Variants in CSMD1 observed in about 807,000 individuals in gnomAD.
CSMD1 encodes the protein CUB and Sushi multiple domains 1.
A neutral mutation model predicts 417.5 loss-of-function variants in CSMD1; 213 were observed. That is an observed-to-expected ratio of 0.51 (90% CI 0.46 to 0.57). The LOEUF is 0.57. Ranked by LOEUF, CSMD1 falls within the 20% of genes least tolerant of loss-of-function variation. CSMD1 has a pLI of 0.00. For missense variants in CSMD1, 6,923 were observed against 4,529.7 expected, an observed-to-expected ratio of 1.53 and a Z score of -15.17; for synonymous variants, 2,862 against 1,736.8, an observed-to-expected ratio of 1.65 and a Z score of -16.11.
At chr8:4,013,179 T>A (rs1325578300) in intron 4 of CSMD1, among the ~76,000 whole-genome samples, 2 of 152,138 alleles carry the variant, frequency 1.3e-5, no homozygotes, top group African/African-American at 4.8e-5. Flanking sequence ...GTCCAAAGGC[T>A]GATCTACAGG....
intron 3 of CSMD1, among the ~76,000 whole-genome samples, chr8:4,337,754 C>G (rs964226121): frequency 6.6e-6 from 1 of 152,112 alleles, no homozygotes; most frequent in Non-Finnish European, 1.5e-5. Context: ...GTAGTACAGC[C>G]TTTACATTGG....
chr8:3,923,109 T>C (rs541731472), intron 5 of CSMD1, among the ~76,000 whole-genome samples: 6 of 152,268 alleles, frequency 3.9e-5, no homozygotes, highest in Non-Finnish European at 7.4e-5. Flanking sequence ...CTGGGACTCA[T>C]GCCAAACAAC....
At chr8:4,346,583 G>C (rs913531893) in intron 3 of CSMD1, among the ~76,000 whole-genome samples, 1 of 152,042 alleles carries the variant, frequency 6.6e-6, no homozygotes, top group Non-Finnish European at 1.5e-5. Context: ...TATTGTTCTT[G>C]ACTGATTTCA....
At chr8:3,431,823 T>C (rs1424259115) in intron 12 of CSMD1, among the ~76,000 whole-genome samples, 1 of 152,224 alleles carries the variant, frequency 6.6e-6, no homozygotes, top group Non-Finnish European at 1.5e-5. Flanking sequence ...AATATTTTAT[T>C]CCATACAATT....
intron 5 of CSMD1, among the ~76,000 whole-genome samples, chr8:3,996,081 C>A (rs1359430018): frequency 6.6e-6 from 1 of 152,172 alleles, no homozygotes; most frequent in Non-Finnish European, 1.5e-5. Flanking sequence ...ACACGCTTCT[C>A]ATCACACTCA....
chr8:4,693,665 C>T (rs1428543775), intron 1 of CSMD1, among the ~76,000 whole-genome samples: 3 of 152,152 alleles, frequency 2.0e-5, no homozygotes, highest in South Asian at 4.1e-4. Context: ...TATTCATTTT[C>T]TCAAAACTTA....
intron 5 of CSMD1, among the ~76,000 whole-genome samples, chr8:3,769,864 A>C (rs1261385959): frequency 8.5e-5 from 13 of 152,194 alleles, no homozygotes; most frequent in Admixed American, 8.5e-4. Flanking sequence ...TAGAAGAAAA[A>C]CGTATGTGTC....
intron 2 of CSMD1, among the ~76,000 whole-genome samples, chr8:4,604,320 T>C (rs1800751216): frequency 6.6e-6 from 1 of 151,274 alleles, no homozygotes; most frequent in Non-Finnish European, 1.5e-5. Flanking sequence ...ATGCATTAAA[T>C]GGTTATATAT....
intron 3 of CSMD1, among the ~76,000 whole-genome samples, chr8:4,360,591 G>C (rs184617907): frequency 6.6e-6 from 1 of 152,100 alleles, no homozygotes; most frequent in Non-Finnish European, 1.5e-5. Flanking sequence ...CCAGGTTCAC[G>C]TCATTCTCCT....
intron 69 of CSMD1, among the ~76,000 whole-genome samples, chr8:2,942,241 T>C (rs184727123): frequency 6.6e-6 from 1 of 151,916 alleles, no homozygotes; most frequent in East Asian, 1.9e-4. Context: ...ACCTGAGTGA[T>C]GGGTTGATCC....
intron 3 of CSMD1, among the ~76,000 whole-genome samples, chr8:4,115,082 A>T (rs1468326087): frequency 1.3e-5 from 2 of 152,236 alleles, no homozygotes; most frequent in African/African-American, 4.8e-5. Flanking sequence ...AAATGCTGTC[A>T]AACGGAATTG....
At chr8:4,434,340 T>G (rs906349421) in intron 2 of CSMD1, among the ~76,000 whole-genome samples, 2 of 152,172 alleles carry the variant, frequency 1.3e-5, no homozygotes, top group Non-Finnish European at 2.9e-5. Flanking sequence ...CACTCCAGCC[T>G]GGGCAACAGC....
In CSMD1 at chr8:3,103,844, A is replaced by G. The variant is rs1815930903; in HGVS notation, c.6949+2684T>C. On this transcript the variant is annotated intron_variant, in intron 46 of 69. Coordinates refer to ENST00000635120, the MANE Select transcript of CSMD1 (RefSeq NM_033225.6). ...CTGCAACCTCTGCCTCCCAGGTTCCAGTGATTCTCCTGCCTCAGCCTCCCA... is the reference window on the plus strand; with the variant it reads ...CTGCAACCTCTGCCTCCCAGGTTCCGGTGATTCTCCTGCCTCAGCCTCCCA... 2.6e-5 allele frequency among the ~76,000 whole-genome samples: 4 copies of G among 152,054 alleles called. No homozygotes were observed. The South Asian group carries it at 8.3e-4, about 32-fold the overall frequency.
intron 30 of CSMD1, among the ~76,000 whole-genome samples, chr8:3,212,026 C>T (rs79848028): frequency 0.021 from 3,138 of 152,192 alleles, 105 homozygotes; most frequent in African/African-American, 0.071. Flanking sequence ...CCCACTTCTT[C>T]GTTTGTCTCC....
rs550057446 is a variant in CSMD1, at chr8:4,899,958, G to C, written c.85+94374C>G. Among the ~76,000 whole-genome samples the C allele has an allele frequency of 2.8e-3, 420 of 152,284 alleles. 5 individuals carry two copies. The highest frequency in any genetic ancestry group is 9.6e-3 in the African/African-American group (398 of 41,558). On this transcript the variant is annotated intron_variant, in intron 1 of 69. Coordinates refer to ENST00000635120, the MANE Select transcript of CSMD1 (RefSeq NM_033225.6). Reference sequence around the variant, plus strand: ...CACAGTAGGCCTTTAAGAAATAGTTGTTAAATAAATGGGTCTTATTTTTAG... The same window carrying C: ...CACAGTAGGCCTTTAAGAAATAGTTCTTAAATAAATGGGTCTTATTTTTAG...
At chr8:3,877,675 A>AATAAAT (rs58822139) in intron 5 of CSMD1, among the ~76,000 whole-genome samples, 42,643 of 151,948 alleles carry the variant, frequency 0.28, 8,112 homozygotes, top group African/African-American at 0.55. Flanking sequence ...TAAGGGTCTG[A>AATAAAT]GCACATGGCT....
intron 5 of CSMD1, among the ~76,000 whole-genome samples, chr8:3,790,153 G>A (rs896910108): frequency 4.6e-5 from 7 of 152,210 alleles, no homozygotes; most frequent in African/African-American, 1.2e-4. Flanking sequence ...TGGCTCACAT[G>A]CCGTTTTATA....
At chr8:3,344,959 T>C (rs148570687) in intron 22 of CSMD1, among the ~76,000 whole-genome samples, 136 of 152,332 alleles carry the variant, frequency 8.9e-4, no homozygotes, top group African/African-American at 3.1e-3. Context: ...TCCATGTTTT[T>C]ATTAGACGAG....
chr8:3,374,737 C>A lies in CSMD1; in HGVS notation c.2783-5367G>T, dbSNP rs377279673. On this transcript the variant is annotated intron_variant, in intron 18 of 69. Transcript: ENST00000635120. ...CTGTCTGCTGAGGTTTCTCTGCCAA[C>A]TCATTCCAGGATCCTACGGCTTCCT... Among the ~76,000 whole-genome samples the A allele has an allele frequency of 6.3e-4, 96 of 152,266 alleles. 2 individuals are homozygous for A. In the South Asian group the frequency reaches 0.02, roughly 31 times the overall value.
Sources: allele counts gnomAD v4.1 joint callset (sites outside exome capture counted in the v4.1 genomes callset), GRCh38; gene constraint gnomAD v4.1.1; transcripts MANE v1.5; gene names NCBI Gene and HGNC (gene_info 2026-07-23, HGNC 2026-07-21).